The following PCDHA4 variants were observed in gnomAD, a reference collection of about 807,000 sequenced individuals.
The protein encoded by PCDHA4 is protocadherin alpha 4.
Under a neutral mutation model 61.4 loss-of-function variants are expected in PCDHA4, and 49 were observed. The ratio of observed to expected loss-of-function variants is 0.80; its 90% CI spans 0.63 to 1.01. The LOEUF (loss-of-function observed/expected upper bound fraction) is 1.01. Among genes scored for constraint, PCDHA4 ranks in the 50% least tolerant of loss-of-function variants. PCDHA4 has a pLI of 0.00. For missense variants in PCDHA4, 1,254 were observed against 1,235.8 expected, an observed-to-expected ratio of 1.01 and a Z score of -0.22; for synonymous variants, 590 against 550.3, an observed-to-expected ratio of 1.07 and a Z score of -1.01.
chr5:140,917,746 G>T (rs1200600528), intron 1 of PCDHA4, among the ~76,000 whole-genome samples: 2 of 152,122 alleles, frequency 1.3e-5, no homozygotes, highest in Non-Finnish European at 2.9e-5. Context: ...CTGTCCCATT[G>T]GTCTATGTGT....
chr5:140,853,173 C>T, intron 1 of PCDHA4: 1 of 969,590 alleles, frequency 1.0e-6, no homozygotes, highest in South Asian at 4.8e-5. Context: ...GCCACCGCGC[C>T]TGGCCTAAAA....
At chr5:140,877,010 A>T (rs1177640704) in intron 1 of PCDHA4, 2 of 1,612,296 alleles carry the variant, frequency 1.2e-6, no homozygotes, top group African/African-American at 2.7e-5. Context: ...GTGCACGCGG[A>T]GAGCGGCAAG....
chr5:140,823,438 C>T, intron 1 of PCDHA4: 2 of 1,613,332 alleles, frequency 1.2e-6, no homozygotes, highest in South Asian at 1.1e-5. Context: ...GGTGTTCGTG[C>T]TGGACGAGAA....
At chr5:140,843,010 G>A (rs1778474215) in intron 1 of PCDHA4, 2 of 1,595,044 alleles carry the variant, frequency 1.3e-6, no homozygotes, top group Non-Finnish European at 1.7e-6. Context: ...ACAACGCGCC[G>A]GCACTGCTGG....
At chr5:140,873,086 C>G (rs984385666) in intron 1 of PCDHA4, among the ~76,000 whole-genome samples, 1 of 152,122 alleles carries the variant, frequency 6.6e-6, no homozygotes, top group Non-Finnish European at 1.5e-5. Context: ...ATTTCCCCCC[C>G]GTATAGAGGC....
intron 1 of PCDHA4, chr5:140,966,824 A>T: frequency 1.3e-6 from 2 of 1,559,992 alleles, no homozygotes; most frequent in Non-Finnish European, 1.7e-6. Flanking sequence ...CCGGCGGCCC[A>T]TGCCCTGGCT....
At chr5:140,941,313 C>T (rs1585057947) in intron 1 of PCDHA4, among the ~76,000 whole-genome samples, 2 of 104,888 alleles carry the variant, frequency 1.9e-5, no homozygotes, top group Non-Finnish European at 4.0e-5. Context: ...TCTTTTTCTT[C>T]TTTCTCTTTT....
At chr5:140,816,734 C>T (rs1765976925) in intron 1 of PCDHA4, 1 of 152,004 alleles carries the variant, frequency 6.6e-6, no homozygotes, top group Non-Finnish European at 1.5e-5. Context: ...CAAACCTTTT[C>T]TGTGGATGCA....
rs148093365 is a variant in PCDHA4, at chr5:140,827,932, A to C, written c.2385+18360A>C. 566 of 1,026,442 alleles carry C rather than the reference A, an allele frequency of 5.5e-4. 1 individual carries two copies. The African/African-American group carries it at 8.1e-3, about 15-fold the overall frequency. 63.6% of individuals were successfully genotyped at this position (1,026,442 alleles called of 1,614,324 possible). A position where few individuals can be genotyped will look rare whatever the true frequency, so the allele number is the denominator to read the frequency against. On this transcript the variant is annotated intron_variant, in intron 1 of 3. Coordinates refer to ENST00000530339, the MANE Select transcript of PCDHA4 (RefSeq NM_018907.4). Reference sequence around the variant, plus strand: ...TGATGTCGCTGTCTACCATGAAGTTATAGCTAGCCAACATTCAAATTTCTT... The same window carrying C: ...TGATGTCGCTGTCTACCATGAAGTTCTAGCTAGCCAACATTCAAATTTCTT...
chr5:140,837,239 ATTTATCTTCTT>A (rs1411047562), intron 1 of PCDHA4: 4 of 152,014 alleles, frequency 2.6e-5, no homozygotes, highest in Non-Finnish European at 1.5e-5. Context: ...TTTTACATCT[ATTTATCTTCTT>A]TTTATCATAT....
chr5:140,877,850 A>C (rs782804856), intron 1 of PCDHA4: 1 of 1,546,004 alleles, frequency 6.5e-7, no homozygotes, highest in South Asian at 1.3e-5. Context: ...GTAAGTTATT[A>C]ATATTATTTA....
chr5:140,870,974 G>C, intron 1 of PCDHA4: 5 of 1,613,628 alleles, frequency 3.1e-6, no homozygotes, highest in Non-Finnish European at 4.2e-6. Context: ...TTCCGCGTGG[G>C]GCTGTACACG....
intron 3 of PCDHA4, among the ~76,000 whole-genome samples, chr5:140,989,205 C>G (rs750885432): frequency 6.6e-6 from 1 of 152,192 alleles, no homozygotes; most frequent in Admixed American, 6.5e-5. Flanking sequence ...TTCTAGCTTT[C>G]TTTATACACC....
rs782443419 is a variant in PCDHA4, at chr5:140,882,688, A to T, written c.2385+73116A>T. On this transcript the variant is annotated intron_variant, in intron 1 of 3. Coordinates refer to ENST00000530339, the MANE Select transcript of PCDHA4 (RefSeq NM_018907.4). ...TATTCCCTGAAAGCAAGAAACGAATAATCATTGCAGAATCTAGACCTCCGG... is the reference window on the plus strand; with the variant it reads ...TATTCCCTGAAAGCAAGAAACGAATTATCATTGCAGAATCTAGACCTCCGG... The T allele has an allele frequency of 1.2e-5, 20 of 1,614,078 alleles. 1 individual carries two copies. In the South Asian group the frequency reaches 2.2e-4, roughly 18 times the overall value.
In PCDHA4 at chr5:140,877,128, G is replaced by T. The variant is rs782052511; in HGVS notation, c.2385+67556G>T. On this transcript the variant is annotated intron_variant, in intron 1 of 3. Coordinates refer to ENST00000530339, the MANE Select transcript of PCDHA4 (RefSeq NM_018907.4). ...CTCTGGGCAGCAACGTGACGCTGCA[G>T]GTGTTCGTGCTGGACGAGAACGACA... is the stretch of plus-strand genomic sequence containing the variant. 3.1e-6 allele frequency: 5 copies of T among 1,613,644 alleles called. No homozygotes were observed. The African/African-American group carries it at 5.3e-5, about 17-fold the overall frequency.
At chr5:140,828,600 A>G (rs1769845446) in intron 1 of PCDHA4, 3 of 1,614,242 alleles carry the variant, frequency 1.9e-6, no homozygotes, top group East Asian at 2.2e-5. Context: ...ATCTTAACCT[A>G]TAAACTCAGT....
At chr5:140,958,344 T>A (rs1247122967) in intron 1 of PCDHA4, among the ~76,000 whole-genome samples, 2 of 152,128 alleles carry the variant, frequency 1.3e-5, no homozygotes, top group African/African-American at 4.8e-5. Context: ...CACAGGAAGT[T>A]CACAGTCTGA....
chr5:140,883,980 G>A, intron 1 of PCDHA4: 1 of 1,612,872 alleles, frequency 6.2e-7, no homozygotes, highest in Non-Finnish European at 8.5e-7. Context: ...CCCGGGGCTG[G>A]CAGCGCGGGA....
chr5:140,875,452 C>CA, intron 1 of PCDHA4: 1 of 1,592,570 alleles, frequency 6.3e-7, no homozygotes, highest in Non-Finnish European at 8.6e-7. Context: ...TGTCCCAACT[C>CA]AGAGGCCCTC....
Sources: allele counts gnomAD v4.1 joint callset (sites outside exome capture counted in the v4.1 genomes callset), GRCh38; gene constraint gnomAD v4.1.1; transcripts MANE v1.5; gene names NCBI Gene and HGNC (gene_info 2026-07-23, HGNC 2026-07-21).